Variants in RBFOX2 observed in about 807,000 individuals in gnomAD.
RBFOX2 encodes RNA binding protein fox-1 homolog 2.
In RBFOX2, 10 loss-of-function variants were observed where a neutral mutation model predicts 49.1. The observed-to-expected ratio is 0.20, with a 90% CI of 0.13 to 0.35. The LOEUF is 0.35. Among genes scored for constraint, RBFOX2 ranks in the 10% least tolerant of loss-of-function variants. RBFOX2 has a pLI of 1.00. For missense variants in RBFOX2, 323 were observed against 486.9 expected (o/e 0.66, Z 3.17); for synonymous variants, 183 against 187.4 (o/e 0.98, Z 0.19).
In RBFOX2 at chr22:35,879,344, A is replaced by ATT. The variant is rs1290169363; in HGVS notation, c.-34+59502_-34+59503insAA. Among the ~76,000 whole-genome samples, 4 of 152,350 alleles carry ATT rather than the reference A, an allele frequency of 2.6e-5. No individual in the cohort carries two copies. In the East Asian group the frequency reaches 7.7e-4, roughly 29 times the overall value. On this transcript the variant is annotated intron_variant, in intron 1 of 13. Coordinates refer to the RBFOX2 transcript ENST00000359369. ...CCGTAAATCGTGTTCCAGAAACAATATAACAGCTATTTACATAAAATTTAC... is the reference window on the plus strand; with the variant it reads ...CCGTAAATCGTGTTCCAGAAACAATATTTAACAGCTATTTACATAAAATTTAC...
chr22:35,885,837 A>G (rs1603436705), intron 1 of RBFOX2, among the ~76,000 whole-genome samples: 1 of 148,624 alleles, frequency 6.7e-6, no homozygotes, highest in East Asian at 2.0e-4. Flanking sequence ...GTGAAACCCA[A>G]ACCTAATTTT....
At chr22:36,017,455 G>A (rs2059083545) in intron 1 of RBFOX2, among the ~76,000 whole-genome samples, 1 of 152,090 alleles carries the variant, frequency 6.6e-6, no homozygotes, top group Non-Finnish European at 1.5e-5. Context: ...TTGAACCCGG[G>A]AGGCGGAGGT....
chr22:36,024,617 T>C lies in RBFOX2; in HGVS notation c.186+3623A>G, dbSNP rs933143925. 2.0e-5 allele frequency among the ~76,000 whole-genome samples: 3 copies of C among 151,738 alleles called. No individual in the cohort carries two copies. The East Asian group carries it at 5.9e-4, about 30-fold the overall frequency. Reference sequence around the variant, plus strand: ...TTAGCGGGGTGTGGTGGCACATGCCTGTAATCCCAGCTACTCAGGAGGCTG... The same window carrying C: ...TTAGCGGGGTGTGGTGGCACATGCCCGTAATCCCAGCTACTCAGGAGGCTG... On this transcript the variant is annotated intron_variant, in intron 1 of 13. Coordinates refer to the RBFOX2 transcript ENST00000438146.
At chr22:35,825,836 C>A (rs1431473221) in intron 1 of RBFOX2, among the ~76,000 whole-genome samples, 1 of 151,680 alleles carries the variant, frequency 6.6e-6, no homozygotes, top group East Asian at 1.9e-4. Context: ...CAAAAATTAG[C>A]TGAGCGTGGT....
intron 9 of RBFOX2, among the ~76,000 whole-genome samples, chr22:35,752,059 A>G (rs1446403378): frequency 6.6e-6 from 1 of 152,184 alleles, no homozygotes; most frequent in African/African-American, 2.4e-5. Flanking sequence ...AGGTGAAAGG[A>G]GAAGAGGCCA....
At chr22:35,955,343 T>A (rs1344651048) in intron 1 of RBFOX2, among the ~76,000 whole-genome samples, 2 of 152,212 alleles carry the variant, frequency 1.3e-5, no homozygotes, top group East Asian at 3.8e-4. Flanking sequence ...GTTAATTCCT[T>A]TAAAAGTATC....
At chr22:35,898,492 C>G in intron 1 of RBFOX2, 1 of 313,352 alleles carries the variant, frequency 3.2e-6, no homozygotes, top group Non-Finnish European at 5.9e-6. Context: ...GTGGCGTGAT[C>G]TCGACTCATC....
At chr22:35,925,648 T>C (rs2051542979) in intron 1 of RBFOX2, among the ~76,000 whole-genome samples, 1 of 152,184 alleles carries the variant, frequency 6.6e-6, no homozygotes, top group Non-Finnish European at 1.5e-5. Flanking sequence ...ACGACCTGTA[T>C]TTAAACATGG....
intron 11 of RBFOX2, among the ~76,000 whole-genome samples, chr22:35,744,953 T>G (rs1931926638): frequency 6.6e-6 from 1 of 152,230 alleles, no homozygotes; most frequent in South Asian, 2.1e-4. Context: ...AGCATAGGAC[T>G]TATATCATTT....
intron 1 of RBFOX2, chr22:35,822,950 A>T: frequency 3.0e-6 from 1 of 336,006 alleles, no homozygotes; most frequent in Middle Eastern, 1.0e-3. Flanking sequence ...CAGCCTCCCA[A>T]GTAGCTGGGA....
chr22:35,965,855 C>T (rs111948507), upstream of RBFOX2, among the ~76,000 whole-genome samples: 2 of 152,226 alleles, frequency 1.3e-5, no homozygotes, highest in Non-Finnish European at 2.9e-5. Flanking sequence ...AATCACAGAA[C>T]GCAAGTAGAA....
intron 1 of RBFOX2, among the ~76,000 whole-genome samples, chr22:35,854,729 T>A (rs2042321137): frequency 6.6e-6 from 1 of 152,192 alleles, no homozygotes; most frequent in Non-Finnish European, 1.5e-5. Flanking sequence ...CAGAAAAATG[T>A]CAAAATAATG....
intron 2 of RBFOX2, among the ~76,000 whole-genome samples, chr22:35,786,113 T>C (rs1946339587): frequency 6.6e-6 from 1 of 152,238 alleles, no homozygotes; most frequent in Admixed American, 6.5e-5. Flanking sequence ...TAACTTTATA[T>C]GTAGCCCATG....
chr22:35,782,478 C>T (rs550102077), intron 2 of RBFOX2, among the ~76,000 whole-genome samples: 32 of 152,242 alleles, frequency 2.1e-4, no homozygotes, highest in African/African-American at 6.7e-4. Flanking sequence ...CCTGCCACCA[C>T]GCCCGTCTAA....
upstream of RBFOX2, among the ~76,000 whole-genome samples, chr22:35,966,144 T>C (rs1372554520): frequency 2.0e-5 from 3 of 152,262 alleles, no homozygotes; most frequent in Non-Finnish European, 4.4e-5. Context: ...TGCATTCTTT[T>C]GTGTTGGCTT....
At chr22:35,897,003 TAA>T (rs2047929789) in intron 1 of RBFOX2, among the ~76,000 whole-genome samples, 2 of 152,204 alleles carry the variant, frequency 1.3e-5, no homozygotes, top group Non-Finnish European at 2.9e-5. Flanking sequence ...CCCTAAATCT[TAA>T]GTCACCAACA....
chr22:36,022,655 C>T (rs981092830), intron 1 of RBFOX2, among the ~76,000 whole-genome samples: 7 of 152,280 alleles, frequency 4.6e-5, no homozygotes, highest in South Asian at 2.1e-4. Flanking sequence ...CTCTAAATTT[C>T]GTATGTTGAA....
intron 1 of RBFOX2, among the ~76,000 whole-genome samples, chr22:35,892,674 C>G (rs1004327133): frequency 1.3e-5 from 2 of 152,162 alleles, no homozygotes; most frequent in Admixed American, 6.5e-5. Flanking sequence ...GGAGGTGATA[C>G]AGTATGTTTG....
At chr22:35,877,978 G>A (rs1436649803) in intron 1 of RBFOX2, among the ~76,000 whole-genome samples, 1 of 151,390 alleles carries the variant, frequency 6.6e-6, no homozygotes, top group Non-Finnish European at 1.5e-5. Flanking sequence ...TCTAAAAGAG[G>A]AGACAGGTGG....
Sources: gnomAD v4.1 joint callset for allele counts (sites outside exome capture counted in the v4.1 genomes callset) on GRCh38, gnomAD v4.1.1 for gene constraint, MANE v1.5 for transcripts, NCBI Gene and HGNC (gene_info 2026-07-23, HGNC 2026-07-21) for gene names.